EXOC2: variants seen among roughly 807,000 people sequenced by gnomAD.
EXOC2 encodes exocyst complex component 2, also known as SEC5-like 1.
In EXOC2, 70 loss-of-function variants were observed where a neutral mutation model predicts 131.8. The observed-to-expected ratio is 0.53, with a 90% CI of 0.44 to 0.65. The LOEUF is 0.65. EXOC2 is among the 30% of genes least tolerant of loss of function. The pLI, the probability that EXOC2 is intolerant of heterozygous loss-of-function variation, is 0.00. For missense variants in EXOC2, 923 were observed against 1,108.6 expected, an observed-to-expected ratio of 0.83 and a Z score of 2.38; for synonymous variants, 411 against 398.4, an observed-to-expected ratio of 1.03 and a Z score of -0.38.
At chr6:660,978 C>T (rs1355515279) in intron 1 of EXOC2, among the ~76,000 whole-genome samples, 1 of 152,108 alleles carries the variant, frequency 6.6e-6, no homozygotes, top group Non-Finnish European at 1.5e-5. Context: ...ATTCAGGAAA[C>T]TTTGGACACA....
intron 23 of EXOC2, among the ~76,000 whole-genome samples, chr6:516,583 G>GT (rs1217837369): frequency 6.6e-6 from 1 of 152,224 alleles, no homozygotes; most frequent in African/African-American, 2.4e-5. Context: ...TGACTAAACT[G>GT]TTTAAGAACA....
chr6:648,001 T>C (rs114681817), intron 1 of EXOC2, among the ~76,000 whole-genome samples: 1,737 of 152,248 alleles, frequency 0.011, 38 homozygotes, highest in African/African-American at 0.039. Flanking sequence ...ACTGGTTCAT[T>C]TGCAACAATC....
At chr6:523,358 C>T (rs1035951497) in intron 23 of EXOC2, among the ~76,000 whole-genome samples, 1 of 152,256 alleles carries the variant, frequency 6.6e-6, no homozygotes, top group East Asian at 1.9e-4. Flanking sequence ...ACGCACAGAA[C>T]TGTCGGCTTC....
intron 25 of EXOC2, among the ~76,000 whole-genome samples, chr6:493,353 T>C (rs529618287): frequency 2.0e-5 from 3 of 152,344 alleles, no homozygotes; most frequent in African/African-American, 7.2e-5. Flanking sequence ...CTATTTTGTT[T>C]ATATTCTAGT....
chr6:528,026 G>A (rs944357210), intron 23 of EXOC2, among the ~76,000 whole-genome samples: 20 of 152,094 alleles, frequency 1.3e-4, no homozygotes, highest in Non-Finnish European at 2.9e-4. Flanking sequence ...CTTAATAATT[G>A]CAGATAACAG....
rs746195577 is a variant in EXOC2 at position 576,777 on chromosome 6, A to G, written c.1298T>C (p.Phe433Ser). The G allele has an allele frequency of 1.2e-6, 2 of 1,614,078 alleles. No individual in the cohort carries two copies. The highest frequency in any genetic ancestry group is 2.2e-5 in the South Asian group (2 of 91,054). ...QTASLKRGSSFQSGRDDTWRY... is the reference protein window; with the variant it reads ...QTASLKRGSSSQSGRDDTWRY... The stretch of plus-strand genomic sequence containing the variant: ...CTTACTGTCGTCTCGACCAGACTGA[A>G]AGCTGCTGCCCCTCTTCAGGGACGC... The change falls in exon 12 of 28, where the codon TTT becomes TCT. Residue 433 changes from phenylalanine (F) to serine (S), a missense_variant. Physicochemically the swap from Phe to Ser is radical, Grantham distance 155. Transcript: ENST00000230449.
intron 22 of EXOC2, among the ~76,000 whole-genome samples, chr6:538,206 T>C (rs1766581624): frequency 6.6e-6 from 1 of 152,238 alleles, no homozygotes; most frequent in Non-Finnish European, 1.5e-5. Context: ...TCATACTTTT[T>C]GTTGTAAGGA....
intron 12 of EXOC2, among the ~76,000 whole-genome samples, chr6:575,524 C>G (rs1357144290): frequency 6.6e-6 from 1 of 152,024 alleles, no homozygotes; most frequent in Non-Finnish European, 1.5e-5. Flanking sequence ...TCCTCTCCCT[C>G]GCTCCATCTC....
chr6:504,766 T>C (rs1764433907), intron 23 of EXOC2, among the ~76,000 whole-genome samples: 1 of 152,152 alleles, frequency 6.6e-6, no homozygotes, highest in African/African-American at 2.4e-5. Flanking sequence ...TCCCCCATTC[T>C]TCCAACACGT....
Position 544,393 on chromosome 6 carries a change from G to A in EXOC2, c.2238+4782C>T, listed in dbSNP as rs576931897. On this transcript the variant is annotated intron_variant, in intron 22 of 27. Transcript: ENST00000230449. ...CTTCCTGTTTGAACAAGAAACTCAA[G>A]GCAGCCAAATAGGGTCAAAAATTAG... Among the ~76,000 whole-genome samples the A allele has an allele frequency of 1.8e-4, 27 of 152,234 alleles. No individual in the cohort carries two copies. In the South Asian group the frequency reaches 5.4e-3, roughly 30 times the overall value.
chr6:502,243 A>C (rs1412723596), intron 23 of EXOC2, among the ~76,000 whole-genome samples: 1 of 152,184 alleles, frequency 6.6e-6, no homozygotes, highest in Non-Finnish European at 1.5e-5. Flanking sequence ...CTCTGCCCTC[A>C]GTGAGAACCG....
chr6:617,760 A>G lies in EXOC2; in HGVS notation c.612T>C (p.Tyr204=), dbSNP rs765281897. Residue 204 remains tyrosine (Y), a synonymous_variant, in exon 6 of 28, where the codon TAT becomes TAC. Transcript: ENST00000230449. The part of the protein sequence containing the change: ...ANKKSEGSLA[Y]VKGGLSTFFE... Reference sequence around the variant, plus strand: ...AGAATGTACTGAGACCGCCTTTCACATAGGCCAGGCTGCCCTCACTCTTCT... The same window carrying G: ...AGAATGTACTGAGACCGCCTTTCACGTAGGCCAGGCTGCCCTCACTCTTCT... 9.9e-6 allele frequency: 16 copies of G among 1,613,570 alleles called. No homozygotes were observed. Among genetic ancestry groups the G allele is most frequent in the Non-Finnish European group, 1.4e-5 (16 of 1,179,786 alleles).
intron 13 of EXOC2, among the ~76,000 whole-genome samples, chr6:565,603 C>G (rs1251497485): frequency 6.6e-6 from 1 of 152,026 alleles, no homozygotes; most frequent in African/African-American, 2.4e-5. Flanking sequence ...GAAGGACAAG[C>G]CCAGGAAGCT....
chr6:495,124 ATTCTT>A (rs1763638399), intron 25 of EXOC2, among the ~76,000 whole-genome samples: 1 of 122,742 alleles, frequency 8.1e-6, no homozygotes, highest in Admixed American at 1.1e-4. Context: ...CATGGTGAAC[ATTCTT>A]TTTTTTTTTT....
chr6:504,942 C>A (rs540003535), intron 23 of EXOC2, among the ~76,000 whole-genome samples: 1 of 152,274 alleles, frequency 6.6e-6, no homozygotes, highest in East Asian at 1.9e-4. Context: ...AAATTAAAGA[C>A]ATAACAGTTG....
At chr6:587,975 A>G (rs1395010577) in intron 11 of EXOC2, among the ~76,000 whole-genome samples, 1 of 152,224 alleles carries the variant, frequency 6.6e-6, no homozygotes, top group Non-Finnish European at 1.5e-5. Context: ...GAGGGAGGGG[A>G]GAGAAGCAGG....
intron 1 of EXOC2, among the ~76,000 whole-genome samples, chr6:658,503 T>C (rs559367293): frequency 3.9e-5 from 6 of 151,992 alleles, no homozygotes; most frequent in African/African-American, 1.4e-4. Flanking sequence ...GGAGTTCTTA[T>C]CTGTTCCATA....
intron 6 of EXOC2, among the ~76,000 whole-genome samples, chr6:613,355 C>G (rs757689103): frequency 6.6e-6 from 1 of 151,684 alleles, no homozygotes; most frequent in African/African-American, 2.4e-5. Context: ...AATGGAATAC[C>G]GGGTTGGGAT....
intron 4 of EXOC2, among the ~76,000 whole-genome samples, chr6:625,341 G>A (rs1041875286): frequency 6.6e-6 from 1 of 152,218 alleles, no homozygotes; most frequent in Non-Finnish European, 1.5e-5. Context: ...CCGCGCTTGC[G>A]GCAAAGAGAA....
Sources: allele counts gnomAD v4.1 joint callset (sites outside exome capture counted in the v4.1 genomes callset), GRCh38; gene constraint gnomAD v4.1.1; transcripts MANE v1.5; gene names NCBI Gene and HGNC (gene_info 2026-07-23, HGNC 2026-07-21).